The following KIF20B variants were observed in gnomAD, a reference collection of about 807,000 sequenced individuals.
KIF20B encodes kinesin-like protein KIF20B.
KIF20B carries 188 observed loss-of-function variants against 232.5 expected under a neutral mutation model. The observed-to-expected ratio is 0.81, with a 90% CI of 0.72 to 0.91. KIF20B has a LOEUF of 0.91. Among genes scored for constraint, KIF20B ranks in the 40% least tolerant of loss-of-function variants. The pLI, the probability that KIF20B is intolerant of heterozygous loss-of-function variation, is 0.00. For synonymous variants in KIF20B, 712 were observed against 683.0 expected (o/e 1.04, Z -0.66); for missense variants, 2,154 against 2,055.9 (o/e 1.05, Z -0.92).
chr10:89,709,812 G>C, intron 4 of KIF20B, 115 bp from the exon 5 acceptor site: 1 of 738,216 alleles, frequency 1.4e-6, no homozygotes, highest in Non-Finnish European at 2.0e-6. Flanking sequence ...TGGGGATGTG[G>C]CACCTATTTT....
At chr10:89,715,247 T>A in intron 8 of KIF20B, 65 bp downstream of exon 8, 1 of 978,360 alleles carries the variant, frequency 1.0e-6, no homozygotes, top group Non-Finnish European at 1.6e-6. Context: ...GTGATAGCTG[T>A]AAGACTAAAA....
At chr10:89,765,582 A>G (rs1213949421) in intron 29 of KIF20B, among the ~76,000 whole-genome samples, 1 of 152,166 alleles carries the variant, frequency 6.6e-6, no homozygotes, top group Non-Finnish European at 1.5e-5. Flanking sequence ...CGCCAAGTCA[A>G]TCCTAAGCCA....
At chr10:89,761,231 A>C (rs1842232305) in intron 28 of KIF20B, among the ~76,000 whole-genome samples, 1 of 152,188 alleles carries the variant, frequency 6.6e-6, no homozygotes, top group Non-Finnish European at 1.5e-5. Context: ...GAACATCAAT[A>C]AGACATGATT....
At position 89,768,744 on chromosome 10, in the gene KIF20B, A is replaced by G. The variant is rs1396472277; in HGVS notation, c.5098A>G (p.Ile1700Val). Residue 1700 changes from isoleucine to valine, a missense_variant, in exon 31 of 33, where the codon ATA becomes GTA. Transcript: ENST00000371728. ...AAAATGTTTTGTTTATTAGGTTGCC[A>G]TACGTCCATCATCTAAGAAAACATA... The part of the protein sequence containing the change: ...SSVKKEQKVA[I>V]RPSSKKTYSL... The G allele has an allele frequency of 3.2e-6, 5 of 1,586,516 alleles. No individual in the cohort carries two copies. The highest frequency in any genetic ancestry group is 1.4e-5 in the African/African-American group (1 of 72,960).
chr10:89,717,421 C>T lies in KIF20B; in HGVS notation c.1053-3C>T, dbSNP rs1407489245. 1.9e-6 allele frequency: 3 copies of T among 1,542,738 alleles called. No individual in the cohort carries two copies. The highest frequency in any genetic ancestry group is 2.3e-5 in the East Asian group (1 of 43,980). On this transcript the variant is annotated splice_polypyrimidine_tract_variant and splice_region_variant and intron_variant, in intron 9 of 32. Transcript: ENST00000371728. The stretch of plus-strand genomic sequence containing the variant: ...AAGATAACATTTGATCTTTGTATTT[C>T]AGTCACAGCATATTCACTGTTAAAA...
At position 89,715,119 on chromosome 10, in the gene KIF20B, A is replaced by G. The variant is rs754491953; in HGVS notation, c.877A>G (p.Lys293Glu). 5.6e-6 allele frequency: 9 copies of G among 1,608,790 alleles called. No individual in the cohort carries two copies. In the South Asian group the frequency reaches 7.8e-5, roughly 14 times the overall value. Residue 293 changes from lysine to glutamate, a missense_variant, in exon 8 of 33, where the codon AAA becomes GAA. Transcript: ENST00000371728. ...IYDLFVPVSSKFQKRKMLRLS... is the reference protein window; with the variant it reads ...IYDLFVPVSSEFQKRKMLRLS... Reference sequence around the variant, plus strand: ...TGACTTATTTGTTCCTGTATCATCTAAATTCCAAAAGAGAAAGATGCTGCG... The same window carrying G: ...TGACTTATTTGTTCCTGTATCATCTGAATTCCAAAAGAGAAAGATGCTGCG...
chr10:89,711,065 A>C lies in KIF20B; in HGVS notation c.595A>C (p.Arg199=). The C allele has an allele frequency of 6.2e-7, 1 of 1,607,866 alleles. No individual in the cohort carries two copies. Among genetic ancestry groups the C allele is most frequent in the Non-Finnish European group, 8.5e-7 (1 of 1,176,198 alleles). Residue 199 remains arginine (R), a synonymous_variant, in exon 6 of 33, where the codon AGA becomes CGA. Coordinates refer to ENST00000371728, the MANE Select transcript of KIF20B (RefSeq NM_001284259.2). ...GATGAACCTTAAACCACATAGATCC[A>C]GAGAATACTTAAGGTTATCATCAGA... The part of the protein sequence containing the change: ...TKMNLKPHRS[R]EYLRLSSEQE...
In KIF20B at chr10:89,754,510, A is replaced by G; in HGVS notation, c.4348-8A>G. ...TGCGATAATAACTTATACCATTTAT[A>G]TATACAGGAGTCTGAACAGAAATAT... On this transcript the variant is annotated splice_polypyrimidine_tract_variant and splice_region_variant and intron_variant, in intron 25 of 32. Coordinates refer to ENST00000371728, the MANE Select transcript of KIF20B (RefSeq NM_001284259.2). 6.5e-7 allele frequency: 1 copy of G among 1,540,692 alleles called. No homozygotes were observed. The highest frequency in any genetic ancestry group is 8.8e-7 in the Non-Finnish European group (1 of 1,142,594).
rs576534390 is a variant in KIF20B, at chr10:89,707,649, CT to C, written c.148-1515del. Among the ~76,000 whole-genome samples the C allele has an allele frequency of 5.9e-4, 89 of 151,602 alleles. 1 individual carries two copies. The highest frequency in any genetic ancestry group is 2.1e-3 in the African/African-American group (87 of 41,296). On this transcript the variant is annotated intron_variant, in intron 2 of 32. Coordinates refer to ENST00000371728, the MANE Select transcript of KIF20B (RefSeq NM_001284259.2). ...CCCTCCTTTTTTCTTCCCCCATCCC[CT>C]TTCCCCCTTCACACCCAATTACACC...
At chr10:89,755,363 TTTCC>T (rs1428916382) in intron 26 of KIF20B, among the ~76,000 whole-genome samples, 2 of 151,436 alleles carry the variant, frequency 1.3e-5, no homozygotes, top group East Asian at 2.0e-4. Flanking sequence ...AACTGAAAGA[TTTCC>T]TTCCTTCTTT....
At position 89,713,098 on chromosome 10, in the gene KIF20B, G is replaced by A. The variant is rs1046662116; in HGVS notation, c.676-949G>A. 5.9e-5 allele frequency among the ~76,000 whole-genome samples: 9 copies of A among 152,178 alleles called. No individual in the cohort carries two copies. The East Asian group carries it at 1.7e-3, about 29-fold the overall frequency. ...TTTTTCACTGGGCATGGTGGTTCAT[G>A]CCTGTAATCTCAGAACTTTGGGAGA... On this transcript the variant is annotated intron_variant, in intron 6 of 32. Transcript: ENST00000371728.
At chr10:89,748,250 TC>T (rs1457181970) in intron 23 of KIF20B, among the ~76,000 whole-genome samples, 2 of 152,238 alleles carry the variant, frequency 1.3e-5, no homozygotes, top group Non-Finnish European at 2.9e-5. Context: ...CCTCAGGTGA[TC>T]CACCCGCCTT....
rs1046513793 is a variant in KIF20B at position 89,753,037 on chromosome 10, T to C, written c.4347+346T>C. 7.2e-5 allele frequency among the ~76,000 whole-genome samples: 11 copies of C among 152,300 alleles called. No individual in the cohort carries two copies. In the East Asian group the frequency reaches 2.1e-3, roughly 29 times the overall value. ...AATACTGCTGTGGAGAAAATGACCA[T>C]CAGGAGAATTATTTTGATTACTTTA... On this transcript the variant is annotated intron_variant, in intron 25 of 32. Coordinates refer to ENST00000371728, the MANE Select transcript of KIF20B (RefSeq NM_001284259.2).
At chr10:89,773,205 C>T (rs1427808568) in intron 32 of KIF20B, among the ~76,000 whole-genome samples, 4 of 151,840 alleles carry the variant, frequency 2.6e-5, no homozygotes, top group Admixed American at 2.6e-4. Context: ...CAGCCATTTC[C>T]TCCCACCTTT....
intron 19 of KIF20B, among the ~76,000 whole-genome samples, chr10:89,734,478 T>C (rs1449056275): frequency 6.6e-6 from 1 of 152,036 alleles, no homozygotes; most frequent in Non-Finnish European, 1.5e-5. Context: ...ATCACATAAG[T>C]TTTTTCTTCT....
At chr10:89,757,317 C>A (rs564587207) in intron 26 of KIF20B, among the ~76,000 whole-genome samples, 35 of 151,726 alleles carry the variant, frequency 2.3e-4, no homozygotes, top group African/African-American at 8.2e-4. Flanking sequence ...GTTCCCTTAC[C>A]TGTTTCTCTG....
At chr10:89,764,878 T>C (rs187056661) in intron 29 of KIF20B, among the ~76,000 whole-genome samples, 112 of 152,264 alleles carry the variant, frequency 7.4e-4, no homozygotes, top group Admixed American at 4.3e-3. Flanking sequence ...TTTCTTTTGC[T>C]GTGCAGAAGC....
intron 26 of KIF20B, among the ~76,000 whole-genome samples, chr10:89,755,931 C>T (rs1285596560): frequency 6.6e-6 from 1 of 152,134 alleles, no homozygotes; most frequent in Non-Finnish European, 1.5e-5. Context: ...AAGGTAAGGA[C>T]AGTTTTTCCA....
Position 89,738,413 on chromosome 10 carries a change from AATCTATC to A in KIF20B, c.3577_3583del (p.Ile1193Ter). ...TTAGAACAAGACATTTTGGAAAAGGAATCTATCATCTTAAAGCTAGAAAGAAATTTGA... is the reference window on the plus strand; with the variant it reads ...TTAGAACAAGACATTTTGGAAAAGGAATCTTAAAGCTAGAAAGAAATTTGA... On this transcript the variant is annotated frameshift_variant, in exon 20 of 33. Transcript: ENST00000371728. LOFTEE classifies it high-confidence loss of function. 6.2e-7 allele frequency: 1 copy of A among 1,601,936 alleles called. No homozygotes were observed. Among genetic ancestry groups the A allele is most frequent in the Non-Finnish European group, 8.5e-7 (1 of 1,177,020 alleles).
Sources: gnomAD v4.1 joint callset for allele counts (sites outside exome capture counted in the v4.1 genomes callset) on GRCh38, gnomAD v4.1.1 for gene constraint, MANE v1.5 for transcripts, NCBI Gene and HGNC (gene_info 2026-07-23, HGNC 2026-07-21) for gene names.